Variants in SIN3A observed in about 807,000 individuals in gnomAD.
SIN3A encodes the protein paired amphipathic helix protein Sin3a.
In SIN3A, 14 loss-of-function variants were observed where a neutral mutation model predicts 146.1. That is an observed-to-expected ratio of 0.10 (90% confidence interval 0.06 to 0.15). The LOEUF (loss-of-function observed/expected upper bound fraction) is 0.15, where lower values mean the gene tolerates loss of function less well. Among genes scored for constraint, SIN3A ranks in the 10% least tolerant of loss-of-function variants. The pLI, the probability that SIN3A is intolerant of heterozygous loss-of-function variation, is 1.00. For synonymous variants in SIN3A, 572 were observed against 572.0 expected (o/e 1.00, Z 0.00); for missense variants, 1,028 against 1,576.0 (o/e 0.65, Z 5.89).
intron 12 of SIN3A, among the ~76,000 whole-genome samples, chr15:75,399,447 G>A (rs746049335): frequency 2.0e-5 from 3 of 152,124 alleles, no homozygotes; most frequent in Non-Finnish European, 4.4e-5. Flanking sequence ...AGAATGGCAT[G>A]AACCTGGGAG....
intron 1 of SIN3A, among the ~76,000 whole-genome samples, chr15:75,436,783 A>C: frequency 6.6e-6 from 1 of 152,036 alleles, no homozygotes; most frequent in Non-Finnish European, 1.5e-5. Context: ...CAGGAAGAAA[A>C]GCCAACAATA....
chr15:75,424,677 G>A (rs2073895532), intron 2 of SIN3A, among the ~76,000 whole-genome samples: 1 of 152,084 alleles, frequency 6.6e-6, no homozygotes, highest in African/African-American at 2.4e-5. Context: ...GTTTCAACAT[G>A]TTGCCCAGGC....
intron 1 of SIN3A, among the ~76,000 whole-genome samples, chr15:75,444,748 G>T (rs2074275551): frequency 6.6e-6 from 1 of 152,126 alleles, no homozygotes; most frequent in African/African-American, 2.4e-5. Flanking sequence ...AAAATGAACA[G>T]AAATTTAGTT....
intron 1 of SIN3A, chr15:75,448,193 G>A: frequency 6.9e-6 from 1 of 144,306 alleles, no homozygotes; most frequent in Non-Finnish European, 1.5e-5. Flanking sequence ...AAAAAAAAAA[G>A]ACATGAGAAA....
intron 3 of SIN3A, 88 bp from the exon 4 acceptor site, chr15:75,414,399 G>C: frequency 1.7e-6 from 1 of 571,532 alleles, no homozygotes; most frequent in Non-Finnish European, 2.8e-6. Flanking sequence ...TTATGCCTAA[G>C]TATGCTTAAT....
At chr15:75,441,618 T>C (rs1243051546) in intron 1 of SIN3A, among the ~76,000 whole-genome samples, 1 of 152,172 alleles carries the variant, frequency 6.6e-6, no homozygotes. Context: ...CCACCACGCT[T>C]GGCTTCCATT....
chr15:75,451,047 A>G (rs1298430486), intron 1 of SIN3A, among the ~76,000 whole-genome samples: 10 of 106,936 alleles, frequency 9.4e-5, no homozygotes, highest in Non-Finnish European at 1.8e-4. Flanking sequence ...CCAGCAGGCC[A>G]GAGCGCGGCC....
intron 16 of SIN3A, among the ~76,000 whole-genome samples, chr15:75,385,633 T>G (rs2073062602): frequency 6.6e-6 from 1 of 152,228 alleles, no homozygotes; most frequent in Non-Finnish European, 1.5e-5. Flanking sequence ...CAATATTGAT[T>G]TGTCTGTTTA....
At chr15:75,417,535 T>A (rs1241516554) in intron 3 of SIN3A, among the ~76,000 whole-genome samples, 1 of 151,662 alleles carries the variant, frequency 6.6e-6, no homozygotes, top group African/African-American at 2.4e-5. Flanking sequence ...TGTCACCACA[T>A]CCAACTAATT....
rs139606702 is a variant in SIN3A at position 75,432,476 on chromosome 15, C to T, written c.-33-2068G>A. 6.0e-3 allele frequency among the ~76,000 whole-genome samples: 918 copies of T among 151,788 alleles called. 14 individuals are homozygous for T. Among genetic ancestry groups the T allele is most frequent in the African/African-American group, 0.021 (850 of 41,362 alleles). ...CTGAGGCAGGCAGATCACCTAAGGTCGGGAGTTTGGGACCAGCCTGGCCAA... is the reference window on the plus strand; with the variant it reads ...CTGAGGCAGGCAGATCACCTAAGGTTGGGAGTTTGGGACCAGCCTGGCCAA... On this transcript the variant is annotated intron_variant, in intron 1 of 20. Transcript: ENST00000394947.
intron 19 of SIN3A, among the ~76,000 whole-genome samples, chr15:75,378,676 C>T (rs576333101): frequency 1.8e-4 from 28 of 152,204 alleles, no homozygotes; most frequent in African/African-American, 6.0e-4. Flanking sequence ...TACACATTTG[C>T]GTGAGGCCAG....
rs779634216 is a variant in SIN3A at position 75,370,149 on chromosome 15, G to C, written c.*1830C>G. The C allele has an allele frequency of 1.3e-5, 2 of 152,474 alleles. No individual in the cohort carries two copies. Among genetic ancestry groups the C allele is most frequent in the Non-Finnish European group, 2.9e-5 (2 of 68,094 alleles). The allele number at this position is 152,474 out of a possible 1,614,324, so 9.4% of individuals were successfully genotyped here. A position where few individuals can be genotyped will look rare whatever the true frequency, so the allele number is the denominator to read the frequency against. On this transcript the variant is annotated 3_prime_UTR_variant, in exon 21 of 21. Coordinates refer to ENST00000394947, the MANE Select transcript of SIN3A (RefSeq NM_001145358.2). ...GCTACTCAGGAGGCCGAGGTGGGAGGACTGCTTGAGCCTGGGAGGTCAAGC... is the reference window on the plus strand; with the variant it reads ...GCTACTCAGGAGGCCGAGGTGGGAGCACTGCTTGAGCCTGGGAGGTCAAGC...
At chr15:75,431,370 C>T (rs1250243897) in intron 1 of SIN3A, among the ~76,000 whole-genome samples, 5 of 152,120 alleles carry the variant, frequency 3.3e-5, no homozygotes, top group Non-Finnish European at 7.3e-5. Context: ...ATAATACCTC[C>T]GTGGGAGACA....
At chr15:75,389,900 C>T in intron 15 of SIN3A, 79 bp from the exon 16 acceptor site, 1 of 1,414,486 alleles carries the variant, frequency 7.1e-7, no homozygotes, top group Non-Finnish European at 9.8e-7. Flanking sequence ...AATCCCACAG[C>T]TGGCCTAAAT....
rs1203948698 is a variant in SIN3A at position 75,371,196 on chromosome 15, AAAAC to A, written c.*779_*782del. The stretch of plus-strand genomic sequence containing the variant: ...TGACAGTATGTACATTATGTACAAA[AAAAC>A]AAGTTAAAATTGTGTGTGTGTGTGC... On this transcript the variant is annotated 3_prime_UTR_variant, in exon 21 of 21. Coordinates refer to ENST00000394947, the MANE Select transcript of SIN3A (RefSeq NM_001145358.2). 2 of 152,578 alleles carry A rather than the reference AAAAC, an allele frequency of 1.3e-5. No homozygotes were observed. The highest frequency in any genetic ancestry group is 1.9e-4 in the East Asian group (1 of 5,182). 9.5% of individuals were successfully genotyped at this position (152,578 alleles called of 1,614,324 possible). A position where few individuals can be genotyped will look rare whatever the true frequency, so the allele number is the denominator to read the frequency against.
chr15:75,392,868 T>A, intron 14 of SIN3A, 53 bp from the exon 15 acceptor site: 1 of 1,307,516 alleles, frequency 7.6e-7, no homozygotes, highest in East Asian at 2.3e-5. Context: ...AGCGACAACA[T>A]GTCTACAAGA....
At chr15:75,445,759 G>GAAAAAAAAAAAAAAAAAAA (rs774883850) in intron 1 of SIN3A, among the ~76,000 whole-genome samples, 2 of 86,404 alleles carry the variant, frequency 2.3e-5, no homozygotes, top group East Asian at 3.4e-4. Flanking sequence ...TCAAAAAAAA[G>GAAAAAAAAAAAAAAAAAAA]AAAAAAAAAA....
chr15:75,411,690 T>C lies in SIN3A; in HGVS notation c.810A>G (p.Pro270=). The C allele has an allele frequency of 6.2e-7, 1 of 1,613,170 alleles. No individual in the cohort carries two copies. The highest frequency in any genetic ancestry group is 8.5e-7 in the Non-Finnish European group (1 of 1,179,418). ...TPASQQTPPL[P]PYASPRSPPV... is the part of the protein sequence containing the mutation. ...GCGGAGAACGTGGGGATGCATACGG[T>C]GGAAGTGGGGGAGTCTGCTGACTGG... is the stretch of plus-strand genomic sequence containing the variant. Residue 270 remains proline, a synonymous_variant, in exon 6 of 21, where the codon CCA becomes CCG. Coordinates refer to ENST00000394947, the MANE Select transcript of SIN3A (RefSeq NM_001145358.2).
Position 75,372,200 on chromosome 15 carries a change from G to T in SIN3A, c.3601C>A (p.Arg1201Ser). ...CTCTGATGTAGACGCTTGCTTACAC[G>T]CTCATGGGACTGCAAAACAGAAAAA... ...ALLRAHQSHE[R>S]VSKRLHQRFQ... Residue 1201 changes from arginine to serine, a missense_variant, in exon 21 of 21, where the codon CGT becomes AGT. Arg to Ser is a moderately radical substitution (Grantham distance 110). Around this residue, in one of 9 missense-constraint regions of SIN3A, gnomAD observed 488 missense variants for 690.2 expected, o/e 0.71. Coordinates refer to ENST00000394947, the MANE Select transcript of SIN3A (RefSeq NM_001145358.2). The T allele has an allele frequency of 1.9e-6, 3 of 1,589,638 alleles. No homozygotes were observed. The highest frequency in any genetic ancestry group is 2.6e-6 in the Non-Finnish European group (3 of 1,167,094).
Sources: gnomAD v4.1 joint callset for allele counts (sites outside exome capture counted in the v4.1 genomes callset) on GRCh38, gnomAD v4.1.1 for gene constraint, gnomAD v4.1.1 regional missense constraint, MANE v1.5 for transcripts, NCBI Gene and HGNC (gene_info 2026-07-23, HGNC 2026-07-21) for gene names.